USP26: variants seen among roughly 807,000 people sequenced by gnomAD.
The protein encoded by USP26 is ubiquitin carboxyl-terminal hydrolase 26.
For synonymous variants in USP26, 236 were observed against 240.6 expected, an observed-to-expected ratio of 0.98 and a Z score of 0.18; for missense variants, 649 against 642.3, an observed-to-expected ratio of 1.01 and a Z score of -0.11.
At chrX:133,037,519 G>T (rs377157206) in intron 5 of USP26, among the ~76,000 whole-genome samples, 1 of 111,742 alleles carries the variant, frequency 8.9e-6, no homozygotes, top group African/African-American at 3.3e-5. Flanking sequence ...ACTCTGTTTT[G>T]TTCCACTGGT....
chrX:133,030,769 T>C (rs1161970121), intron 5 of USP26, among the ~76,000 whole-genome samples: 2 of 112,401 alleles, frequency 1.8e-5, no homozygotes, highest in Non-Finnish European at 3.8e-5. Context: ...AAGTGTACAT[T>C]ACCAAAGAGT....
rs771240655 is a variant in USP26, at chrX:133,025,771, T to A, written c.2450A>T (p.Asp817Val). 5.0e-6 allele frequency: 6 copies of A among 1,210,500 alleles called. No individual in the cohort carries two copies. In the South Asian group the frequency reaches 1.1e-4, roughly 21 times the overall value. Residue 817 changes from aspartate to valine, a missense_variant, in exon 6 of 6, where the codon GAT (aspartate) becomes GTT (valine). By Grantham distance (152) the Asp-to-Val change is radical. Coordinates refer to ENST00000511190, the MANE Select transcript of USP26 (RefSeq NM_031907.3). ...CCGGTAGGTATGATCTCCCTTATCATCATTTCTTTTTGTTTCCTTGGCTTT... is the reference window on the plus strand; with the variant it reads ...CCGGTAGGTATGATCTCCCTTATCAACATTTCTTTTTGTTTCCTTGGCTTT... The part of the protein sequence containing the change: ...KSKAKETKRN[D>V]DKGDHTYRLI...
intron 5 of USP26, among the ~76,000 whole-genome samples, chrX:133,072,300 T>C (rs977441040): frequency 2.7e-5 from 3 of 112,450 alleles, no homozygotes; most frequent in Non-Finnish European, 3.8e-5. Context: ...CTGTTCTGTG[T>C]GCATGTGTGT....
At chrX:133,075,630 T>C (rs970337778) in intron 5 of USP26, among the ~76,000 whole-genome samples, 2 of 111,125 alleles carry the variant, frequency 1.8e-5, no homozygotes, top group African/African-American at 6.6e-5. Context: ...AGACGGAAAG[T>C]ATTTGGCATG....
intron 5 of USP26, among the ~76,000 whole-genome samples, chrX:133,032,473 A>G (rs1294715472): frequency 2.7e-5 from 3 of 111,669 alleles, no homozygotes; most frequent in African/African-American, 9.8e-5. Context: ...GAAGAGAAAG[A>G]AGTTGTGGAA....
intron 5 of USP26, among the ~76,000 whole-genome samples, chrX:133,052,022 T>C (rs2067460764): frequency 8.9e-6 from 1 of 112,131 alleles, no homozygotes; most frequent in African/African-American, 3.2e-5. Context: ...GCTTATAGTA[T>C]GACGTAGATG....
chrX:133,074,125 C>A (rs2067539971), intron 5 of USP26, among the ~76,000 whole-genome samples: 1 of 111,818 alleles, frequency 8.9e-6, no homozygotes, highest in Non-Finnish European at 1.9e-5. Flanking sequence ...GCCTTTATCC[C>A]ACTAAAGGCC....
At position 133,050,120 on chromosome X, in the gene USP26, G is replaced by A. The variant is rs1038535817; in HGVS notation, c.-76-21824C>T. ...TTTGTCCCCCTCACCATCACCCAAG[G>A]TTATTTGCACACTTTAAACCAGGTG... On this transcript the variant is annotated intron_variant, in intron 5 of 5. Coordinates refer to ENST00000511190, the MANE Select transcript of USP26 (RefSeq NM_031907.3). 2.7e-5 allele frequency among the ~76,000 whole-genome samples: 3 copies of A among 111,908 alleles called. No homozygotes were observed. The Admixed American group carries it at 2.9e-4, about 11-fold the overall frequency.
At chrX:133,072,510 T>C (rs1314607696) in intron 5 of USP26, among the ~76,000 whole-genome samples, 2 of 112,569 alleles carry the variant, frequency 1.8e-5, no homozygotes, top group Non-Finnish European at 3.7e-5. Flanking sequence ...GAGCATTCTG[T>C]AAATGGCATG....
Position 133,027,767 on chromosome X carries a change from T to A in USP26, c.454A>T (p.Thr152Ser), listed in dbSNP as rs1336618239. 13 of 1,208,710 alleles carry A rather than the reference T, an allele frequency of 1.1e-5. No homozygotes were observed. The highest frequency in any genetic ancestry group is 1.3e-5 in the Non-Finnish European group (12 of 894,245). Residue 152 changes from threonine (T) to serine (S), a missense_variant, in exon 6 of 6, where the codon ACA becomes TCA. Thr to Ser is a moderately conservative substitution (Grantham distance 58). Transcript: ENST00000511190. The stretch of plus-strand genomic sequence containing the variant: ...AAAGGCATCCTCTGAAGGACACCTG[T>A]CCCACTTCCTTTTGCTATCTCAAAA... ...KSFEIAKGSG[T>S]GVLQRMPLLT...
chrX:133,029,074 G>A (rs2067366713), intron 5 of USP26, among the ~76,000 whole-genome samples: 1 of 112,700 alleles, frequency 8.9e-6, no homozygotes, highest in Non-Finnish European at 1.9e-5. Flanking sequence ...GGAAGAATTA[G>A]ATGTACTTAA....
intron 5 of USP26, among the ~76,000 whole-genome samples, chrX:133,063,159 T>A (rs750657230): frequency 9.1e-6 from 1 of 110,295 alleles, no homozygotes; most frequent in East Asian, 2.9e-4. Flanking sequence ...TGAAATAAGG[T>A]GTGAGGACAG....
At chrX:133,036,197 G>A (rs1324039701) in intron 5 of USP26, among the ~76,000 whole-genome samples, 2 of 110,333 alleles carry the variant, frequency 1.8e-5, no homozygotes, top group African/African-American at 6.6e-5. Flanking sequence ...TGGGATACAT[G>A]TGCTGAATGT....
At chrX:133,065,589 G>A (rs1329254365) in intron 5 of USP26, among the ~76,000 whole-genome samples, 1 of 111,664 alleles carries the variant, frequency 9.0e-6, no homozygotes, top group Non-Finnish European at 1.9e-5. Context: ...AACAATAAAT[G>A]TACTCCATCA....
intron 1 of USP26, among the ~76,000 whole-genome samples, chrX:133,096,047 ATTTTTTT>A (rs779131148): frequency 2.3e-3 from 83 of 36,552 alleles, no homozygotes; most frequent in African/African-American, 9.4e-3. Context: ...GCCCGGCCTA[ATTTTTTT>A]TTTTTTTTTT....
At chrX:133,049,852 G>A (rs147642771) in intron 5 of USP26, among the ~76,000 whole-genome samples, 94 of 112,174 alleles carry the variant, frequency 8.4e-4, no homozygotes, top group Non-Finnish European at 1.7e-3. Flanking sequence ...GGTGATTAAT[G>A]ATGTCTACTT....
intron 5 of USP26, among the ~76,000 whole-genome samples, chrX:133,057,872 T>A (rs868469584): frequency 5.2e-3 from 99 of 19,137 alleles, no homozygotes; most frequent in African/African-American, 9.9e-3. Flanking sequence ...ATATATTTTT[T>A]TTTTTTTTTT....
At chrX:133,034,769 G>A (rs1026453261) in intron 5 of USP26, among the ~76,000 whole-genome samples, 1 of 111,027 alleles carries the variant, frequency 9.0e-6, no homozygotes, top group Non-Finnish European at 1.9e-5. Context: ...TTGGGAGACC[G>A]AGGTGGGAGG....
chrX:133,047,266 G>A (rs922846156), intron 5 of USP26, among the ~76,000 whole-genome samples: 1 of 112,152 alleles, frequency 8.9e-6, no homozygotes, highest in African/African-American at 3.2e-5. Context: ...TAGCTCAAAT[G>A]CTATCTTCTC....
Sources: gnomAD v4.1 joint callset for allele counts (sites outside exome capture counted in the v4.1 genomes callset) on GRCh38, gnomAD v4.1.1 for gene constraint, MANE v1.5 for transcripts, NCBI Gene and HGNC (gene_info 2026-07-23, HGNC 2026-07-21) for gene names.